TRAPPC11: variants seen among roughly 807,000 people sequenced by gnomAD.
TRAPPC11 encodes trafficking protein particle complex subunit 11, also known as foie gras homolog.
Under a neutral mutation model 151.2 loss-of-function variants are expected in TRAPPC11, and 104 were observed. The ratio of observed to expected loss-of-function variants is 0.69; its 90% CI spans 0.59 to 0.81. The LOEUF (loss-of-function observed/expected upper bound fraction) is 0.81, where lower values mean the gene tolerates loss of function less well. Among genes scored for constraint, TRAPPC11 ranks in the 30% least tolerant of loss-of-function variants. The pLI, the probability that TRAPPC11 is intolerant of heterozygous loss-of-function variation, is 0.00. For missense variants in TRAPPC11, 1,230 were observed against 1,349.6 expected (o/e 0.91, Z 1.39); for synonymous variants, 456 against 472.3 (o/e 0.97, Z 0.45).
At chr4:183,664,278 TA>T (rs1187650480) in intron 2 of TRAPPC11, among the ~76,000 whole-genome samples, 1 of 152,186 alleles carries the variant, frequency 6.6e-6, no homozygotes, top group African/African-American at 2.4e-5. Context: ...ATAATTACTT[TA>T]TAAAGCTTTC....
intron 4 of TRAPPC11, among the ~76,000 whole-genome samples, chr4:183,667,575 C>G (rs1270969550): frequency 6.6e-6 from 1 of 152,144 alleles, no homozygotes; most frequent in Non-Finnish European, 1.5e-5. Flanking sequence ...GTAGTTTTCT[C>G]TTGGAAAATG....
intron 1 of TRAPPC11, among the ~76,000 whole-genome samples, chr4:183,661,446 A>G (rs562318499): frequency 8.4e-4 from 110 of 130,814 alleles, no homozygotes; most frequent in African/African-American, 2.8e-3. Context: ...ATCTCCGCTC[A>G]CTGCAAGCTC....
intron 10 of TRAPPC11, among the ~76,000 whole-genome samples, chr4:183,680,747 CA>C (rs1307909105): frequency 7.8e-6 from 1 of 128,616 alleles, no homozygotes; most frequent in Non-Finnish European, 1.5e-5. Context: ...TGCAGTGGTG[CA>C]GTCTCGGCTT....
chr4:183,684,279 T>C (rs1481446926), intron 13 of TRAPPC11, 26 bp from the exon 14 acceptor site: 5 of 1,612,394 alleles, frequency 3.1e-6, no homozygotes, highest in Admixed American at 1.7e-5. Flanking sequence ...TTAAGTTACA[T>C]ACATAAATCT....
At chr4:183,670,254 T>C (rs1207318509) in intron 5 of TRAPPC11, among the ~76,000 whole-genome samples, 1 of 152,248 alleles carries the variant, frequency 6.6e-6, no homozygotes, top group Non-Finnish European at 1.5e-5. Flanking sequence ...TGTTAGAATC[T>C]TGATAAAACT....
At chr4:183,673,694 T>A (rs1370075227) in intron 5 of TRAPPC11, among the ~76,000 whole-genome samples, 1 of 151,988 alleles carries the variant, frequency 6.6e-6, no homozygotes, top group Non-Finnish European at 1.5e-5. Context: ...TGAAATGAAA[T>A]GAAATAATGA....
chr4:183,690,312 T>C (rs1467668040), intron 18 of TRAPPC11, among the ~76,000 whole-genome samples: 1 of 152,172 alleles, frequency 6.6e-6, no homozygotes, highest in Non-Finnish European at 1.5e-5. Flanking sequence ...GTGTAAGAAT[T>C]TCTATGAAGG....
chr4:183,666,094 A>G, intron 2 of TRAPPC11, 163 bp from the exon 3 acceptor site: 1 of 559,740 alleles, frequency 1.8e-6, no homozygotes, highest in Non-Finnish European at 3.1e-6. Flanking sequence ...TTCCACCTTC[A>G]ACACTTACTA....
At chr4:183,685,510 TATA>T in intron 17 of TRAPPC11, 107 bp downstream of exon 17, 1 of 1,315,168 alleles carries the variant, frequency 7.6e-7, no homozygotes, top group Non-Finnish European at 1.0e-6. Flanking sequence ...GTTTTCAAAG[TATA>T]ATCATGTTAT....
chr4:183,661,958 TCTCA>T (rs1734573249), intron 1 of TRAPPC11, among the ~76,000 whole-genome samples: 1 of 151,824 alleles, frequency 6.6e-6, no homozygotes, highest in African/African-American at 2.4e-5. Context: ...AGAGACAGGA[TCTCA>T]CTATGTTTCC....
intron 18 of TRAPPC11, among the ~76,000 whole-genome samples, chr4:183,688,379 C>T (rs2111381917): frequency 6.6e-6 from 1 of 152,252 alleles, no homozygotes; most frequent in East Asian, 1.9e-4. Flanking sequence ...AGCGCACAAT[C>T]TGTGTTTCTG....
chr4:183,665,256 A>T (rs139827577), intron 2 of TRAPPC11, among the ~76,000 whole-genome samples: 1 of 151,586 alleles, frequency 6.6e-6, no homozygotes, highest in African/African-American at 2.4e-5. Flanking sequence ...CACCACGTCC[A>T]GCTAATTTTC....
intron 11 of TRAPPC11, 84 bp downstream of exon 11, chr4:183,682,909 C>A: frequency 2.2e-6 from 2 of 892,260 alleles, no homozygotes; most frequent in Non-Finnish European, 3.6e-6. Context: ...GCTGCACATG[C>A]ATAAGAAATT....
intron 28 of TRAPPC11, 152 bp from the exon 29 acceptor site, chr4:183,708,255 G>A: frequency 1.3e-6 from 1 of 741,820 alleles, no homozygotes; most frequent in Non-Finnish European, 2.1e-6. Flanking sequence ...CTACACTTTG[G>A]AATCTGTTTG....
intron 2 of TRAPPC11, among the ~76,000 whole-genome samples, chr4:183,665,329 C>T (rs561686701): frequency 1.1e-4 from 16 of 152,112 alleles, no homozygotes; most frequent in South Asian, 2.1e-4. Flanking sequence ...CTCCTGACCT[C>T]GTGATCTGCC....
rs947836057 is a variant in TRAPPC11 at position 183,682,816 on chromosome 4, G to A, written c.1198G>A (p.Gly400Arg). The change falls in exon 11 of 30, where the codon GGA (glycine) becomes AGA (arginine). Residue 400 changes from glycine to arginine, a missense_variant. Gly to Arg is a moderately radical substitution (Grantham distance 125). Transcript: ENST00000334690. ...TTATGGACAAAGATCATGGCGACAA[G>A]GAATACTAAGTAAATAATTTTTCCC... ...DFYGQRSWRQ[G>R]ILSFDLSDPE... 17 of 1,610,046 alleles carry A rather than the reference G, an allele frequency of 1.1e-5. No homozygotes were observed. In the Admixed American group the frequency reaches 2.7e-4, roughly 25 times the overall value.
In TRAPPC11 at chr4:183,712,607, G is replaced by A. The variant is rs1030949817; in HGVS notation, c.3365G>A (p.Gly1122Asp). 2 of 1,613,902 alleles carry A rather than the reference G, an allele frequency of 1.2e-6. No individual in the cohort carries two copies. The highest frequency in any genetic ancestry group is 2.7e-5 in the African/African-American group (2 of 74,866). ...IPTSIFVKPQGRLMDDTSIAA... is the reference protein window; with the variant it reads ...IPTSIFVKPQDRLMDDTSIAA... ...GTTTTTCCCACTTTAAAGCCACAGG[G>A]TCGACTCATGGATGATACCTCTATT... The change falls in exon 30 of 30, where the codon GGT becomes GAT. Residue 1122 changes from glycine (G) to aspartate (D), a missense_variant. Gly to Asp is a moderately conservative substitution (Grantham distance 94). Coordinates refer to ENST00000334690, the MANE Select transcript of TRAPPC11 (RefSeq NM_021942.6).
intron 19 of TRAPPC11, among the ~76,000 whole-genome samples, chr4:183,692,686 T>G (rs756126170): frequency 1.7e-4 from 26 of 152,196 alleles, no homozygotes; most frequent in Admixed American, 7.2e-4. Context: ...ATGCCAGATG[T>G]TAAAATCATA....
intron 11 of TRAPPC11, 64 bp from the exon 12 acceptor site, chr4:183,683,911 A>G (rs780192817): frequency 4.7e-6 from 6 of 1,282,906 alleles, no homozygotes; most frequent in Non-Finnish European, 6.8e-6. Context: ...TACACATACA[A>G]CGTTCATATG....
Sources: gnomAD v4.1 joint callset for allele counts (sites outside exome capture counted in the v4.1 genomes callset) on GRCh38, gnomAD v4.1.1 for gene constraint, MANE v1.5 for transcripts, NCBI Gene and HGNC (gene_info 2026-07-23, HGNC 2026-07-21) for gene names.